MCM3AP: variants seen among roughly 807,000 people sequenced by gnomAD.
The protein encoded by MCM3AP is minichromosome maintenance complex component 3 associated protein.
A neutral mutation model predicts 184.1 loss-of-function variants in MCM3AP; 126 were observed. The observed-to-expected ratio is 0.68, with a 90% CI of 0.59 to 0.79. The LOEUF is 0.79. Ranked by LOEUF, MCM3AP falls within the 30% of genes least tolerant of loss-of-function variation. MCM3AP has a pLI of 0.00. For synonymous variants in MCM3AP, 1,002 were observed against 979.3 expected, an observed-to-expected ratio of 1.02 and a Z score of -0.43; for missense variants, 2,496 against 2,479.2, an observed-to-expected ratio of 1.01 and a Z score of -0.14.
intron 1 of MCM3AP, 46 bp from the exon 2 acceptor site, chr21:46,283,884 C>T: frequency 6.4e-7 from 1 of 1,572,590 alleles, no homozygotes; most frequent in South Asian, 1.1e-5. Context: ...ATGTTTCCAA[C>T]AACAGGAGGC....
intron 5 of MCM3AP, among the ~76,000 whole-genome samples, chr21:46,275,794 T>G (rs1231195528): frequency 6.6e-6 from 1 of 152,236 alleles, no homozygotes; most frequent in Non-Finnish European, 1.5e-5. Context: ...TGTCTCAGTA[T>G]TCACCATGAC....
At chr21:46,266,419 C>G (rs2081113064) in intron 10 of MCM3AP, 1 of 371,430 alleles carries the variant, frequency 2.7e-6, no homozygotes, top group Non-Finnish European at 4.8e-6. Flanking sequence ...CCAAAACCGT[C>G]TAATTTTCTG....
chr21:46,257,027 G>C (rs766401888), intron 16 of MCM3AP, 41 bp from the exon 17 acceptor site: 1 of 1,571,278 alleles, frequency 6.4e-7, no homozygotes, highest in Non-Finnish European at 8.7e-7. Flanking sequence ...TGTTTTCAGG[G>C]TCTTCAAACT....
chr21:46,270,670 G>T, intron 8 of MCM3AP, 107 bp from the exon 9 acceptor site: 1 of 991,258 alleles, frequency 1.0e-6, no homozygotes, highest in Non-Finnish European at 1.5e-6. Flanking sequence ...CAGATGCAGT[G>T]GCTCACACCT....
chr21:46,261,208 G>A lies in MCM3AP; in HGVS notation c.3467+72C>T, dbSNP rs542469911. 3.0e-4 allele frequency: 475 copies of A among 1,565,318 alleles called. 5 individuals carry two copies. The South Asian group carries it at 5.1e-3, about 17-fold the overall frequency. On this transcript the variant is annotated intron_variant, in intron 14 of 27. Coordinates refer to ENST00000291688, the MANE Select transcript of MCM3AP (RefSeq NM_003906.5). The stretch of plus-strand genomic sequence containing the variant: ...CACAGTGGACAATAGCAGGAGCATC[G>A]TGGCTAGGGTCAGTTCTTGCCTGTG...
At position 46,240,791 on chromosome 21, in the gene MCM3AP, TAGAA is replaced by T; in HGVS notation, c.5633+16_5633+19del. The T allele has an allele frequency of 1.9e-6, 3 of 1,608,776 alleles. No individual in the cohort carries two copies. The highest frequency in any genetic ancestry group is 1.1e-5 in the South Asian group (1 of 90,730). The stretch of plus-strand genomic sequence containing the variant: ...TAAAGCAGACTAAACACACATGAAT[TAGAA>T]GGAAGTGGGCTTCACCTCTTGTTCT... On this transcript the variant is annotated intron_variant, in intron 26 of 27. Coordinates refer to ENST00000291688, the MANE Select transcript of MCM3AP (RefSeq NM_003906.5).
At chr21:46,254,336 C>T in intron 19 of MCM3AP, 56 bp downstream of exon 19, 2 of 1,609,180 alleles carry the variant, frequency 1.2e-6, no homozygotes, top group Non-Finnish European at 1.7e-6. Context: ...TGGCCCACAA[C>T]CCTGCCCTGC....
At position 46,251,539 on chromosome 21, in the gene MCM3AP, A is replaced by G; in HGVS notation, c.4280T>C (p.Val1427Ala). Reference sequence around the variant, plus strand: ...GTAATTATAGTTCACCTTTATACACACGTTAACAGAAATCATCTGATCCCC... The same window carrying G: ...GTAATTATAGTTCACCTTTATACACGCGTTAACAGAAATCATCTGATCCCC... ...SKGDQMISVN[V>A]CIKVAHGALS... The change falls in exon 20 of 28, where the codon GTG becomes GCG. Residue 1427 changes from valine (V) to alanine (A), a missense_variant. Transcript: ENST00000291688. 1 of 1,607,868 alleles carries G rather than the reference A, an allele frequency of 6.2e-7. No individual in the cohort carries two copies. The highest frequency in any genetic ancestry group is 1.1e-5 in the South Asian group (1 of 90,770).
chr21:46,281,954 C>T lies in MCM3AP; in HGVS notation c.1444-1379G>A, dbSNP rs551097686. On this transcript the variant is annotated intron_variant, in intron 2 of 27. Transcript: ENST00000291688. Reference sequence around the variant, plus strand: ...TAAAGGTTGAAGTGAGCCAAGATTGCGCCACTACAATACAGGCTGGGAGAC... The same window carrying T: ...TAAAGGTTGAAGTGAGCCAAGATTGTGCCACTACAATACAGGCTGGGAGAC... Among the ~76,000 whole-genome samples, 13 of 152,134 alleles carry T rather than the reference C, an allele frequency of 8.5e-5. 1 individual carries two copies. The highest frequency in any genetic ancestry group is 1.9e-4 in the East Asian group (1 of 5,176).
rs774718810 is a variant in MCM3AP at position 46,261,366 on chromosome 21, C to T, written c.3381G>A (p.Thr1127=). 3.9e-5 allele frequency: 63 copies of T among 1,613,910 alleles called. No homozygotes were observed. The highest frequency in any genetic ancestry group is 3.3e-4 in the Admixed American group (20 of 59,998). Residue 1127 remains threonine, a synonymous_variant, in exon 14 of 28, where the codon ACG becomes ACA. Transcript: ENST00000291688. ...CAGCTGCAATGTGCCTCAAAATGCCCGTGGTTGCAGCTGTTAACAAATCCT... is the reference window on the plus strand; with the variant it reads ...CAGCTGCAATGTGCCTCAAAATGCCTGTGGTTGCAGCTGTTAACAAATCCT... ...AMEDLLTAAT[T]GILRHIAAEE...
intron 16 of MCM3AP, among the ~76,000 whole-genome samples, chr21:46,257,977 A>G (rs1400085761): frequency 6.6e-6 from 1 of 151,416 alleles, no homozygotes; most frequent in East Asian, 1.9e-4. Flanking sequence ...AAGACCAGGA[A>G]GGTCATTTAT....
intron 25 of MCM3AP, chr21:46,242,551 A>C (rs2080686362): frequency 3.5e-6 from 1 of 283,636 alleles, no homozygotes; most frequent in Non-Finnish European, 6.5e-6. Flanking sequence ...TTTGGAAGTG[A>C]GATGAAATGT....
At chr21:46,263,500 C>T (rs998767037) in intron 13 of MCM3AP, among the ~76,000 whole-genome samples, 3 of 151,224 alleles carry the variant, frequency 2.0e-5, no homozygotes, top group Non-Finnish European at 4.4e-5. Flanking sequence ...GATGACAATA[C>T]TGGCCAGGTG....
chr21:46,259,631 G>A (rs188830951), intron 15 of MCM3AP, among the ~76,000 whole-genome samples: 83 of 149,734 alleles, frequency 5.5e-4, no homozygotes, highest in African/African-American at 1.9e-3. Flanking sequence ...ATTAGCTGGC[G>A]GCCAGGCACG....
chr21:46,246,449 G>T, intron 21 of MCM3AP, 45 bp from the exon 22 acceptor site: 1 of 1,382,638 alleles, frequency 7.2e-7, no homozygotes, highest in Non-Finnish European at 1.0e-6. Context: ...TCTGCTGTCA[G>T]CACACCTGCT....
chr21:46,281,576 C>T (rs1395637285), intron 2 of MCM3AP, among the ~76,000 whole-genome samples: 1 of 152,096 alleles, frequency 6.6e-6, no homozygotes, highest in Non-Finnish European at 1.5e-5. Context: ...TATCCTAGCA[C>T]TTTGGGAGGT....
Position 46,266,067 on chromosome 21 carries a change from C to T in MCM3AP, c.2889G>A (p.Gly963=), listed in dbSNP as rs1331797325. ...FITRKLTVSV[G]EIVNGGPLPP... Reference sequence around the variant, plus strand: ...GCAATGGCCCTCCGTTCACAATTTCCCCGACTGACACCGTCAGCTTCCTAG... The same window carrying T: ...GCAATGGCCCTCCGTTCACAATTTCTCCGACTGACACCGTCAGCTTCCTAG... The change falls in exon 11 of 28, where the codon GGG becomes GGA. Residue 963 remains glycine, a synonymous_variant. Transcript: ENST00000291688. 6.2e-7 allele frequency: 1 copy of T among 1,612,478 alleles called. No homozygotes were observed.
At chr21:46,257,065 G>T in intron 16 of MCM3AP, 79 bp from the exon 17 acceptor site, 1 of 1,517,696 alleles carries the variant, frequency 6.6e-7, no homozygotes, top group Non-Finnish European at 8.9e-7. Context: ...CAGAACTCAG[G>T]CATGGGGAAG....
In MCM3AP at chr21:46,279,675, A is replaced by G. The variant is rs1339153891; in HGVS notation, c.1667+318T>C. On this transcript the variant is annotated intron_variant, in intron 4 of 27. Transcript: ENST00000291688. The stretch of plus-strand genomic sequence containing the variant: ...GCCAGCCCCAAAGGAAGGCTTTCTC[A>G]GCAACCTTGGCCCTAGGGTATATGA... 2.6e-5 allele frequency among the ~76,000 whole-genome samples: 4 copies of G among 152,112 alleles called. No homozygotes were observed. In the East Asian group the frequency reaches 7.7e-4, roughly 29 times the overall value.
Sources: gnomAD v4.1 joint callset for allele counts (sites outside exome capture counted in the v4.1 genomes callset) on GRCh38, gnomAD v4.1.1 for gene constraint, MANE v1.5 for transcripts, NCBI Gene and HGNC (gene_info 2026-07-23, HGNC 2026-07-21) for gene names.